CSTF3: variants seen among roughly 807,000 people sequenced by gnomAD.
CSTF3 encodes CF-1 77 kDa subunit.
Under a neutral mutation model 105.8 loss-of-function variants are expected in CSTF3, and 29 were observed. The ratio of observed to expected loss-of-function variants is 0.27; its 90% CI spans 0.20 to 0.37. The LOEUF is 0.37. Among genes scored for constraint, CSTF3 ranks in the 10% least tolerant of loss-of-function variants. The pLI is 1.00. For missense variants in CSTF3, 357 were observed against 879.3 expected (o/e 0.41, Z 7.51); for synonymous variants, 252 against 281.9 (o/e 0.89, Z 1.06).
chr11:33,154,362 C>T (rs923495719), intron 1 of CSTF3, among the ~76,000 whole-genome samples: 1 of 152,066 alleles, frequency 6.6e-6, no homozygotes. Flanking sequence ...ACCTGTCATT[C>T]CAAGTGAATT....
At position 33,141,885 on chromosome 11, in the gene CSTF3, C is replaced by A; in HGVS notation, c.129G>T (p.Gln43His). The change falls in exon 2 of 21, where the codon CAG becomes CAT. Residue 43 changes from glutamine (Q) to histidine (H), a missense_variant and splice_region_variant. Gln to His is a conservative substitution (Grantham distance 24). This residue lies in a region of CSTF3 where 78 missense variants were observed against 180.4 expected (regional missense o/e 0.43). Transcript: ENST00000323959. Reference sequence around the variant, plus strand: ...GAAATGTAATCCTATATCACTAAACCTGTGCCTCTCGAATGAGAATGCTCC... The same window carrying A: ...GAAATGTAATCCTATATCACTAAACATGTGCCTCTCGAATGAGAATGCTCC... The part of the protein sequence containing the change: ...DAWSILIREA[Q>H]NQPIDKARKT... The A allele has an allele frequency of 6.3e-7, 1 of 1,596,826 alleles. No individual in the cohort carries two copies. The highest frequency in any genetic ancestry group is 8.5e-7 in the Non-Finnish European group (1 of 1,173,854).
At chr11:33,135,724 TC>T (rs1486315061) in intron 3 of CSTF3, among the ~76,000 whole-genome samples, 1 of 152,168 alleles carries the variant, frequency 6.6e-6, no homozygotes, top group Non-Finnish European at 1.5e-5. Context: ...TGAAAAAATT[TC>T]CAGGGAAACC....
At chr11:33,085,840 C>A in intron 19 of CSTF3, 55 bp downstream of exon 19, 1 of 1,578,768 alleles carries the variant, frequency 6.3e-7, no homozygotes, top group Non-Finnish European at 8.7e-7. Context: ...TAACTTTATA[C>A]ACAATTACTA....
rs577408789 is a variant in CSTF3, at chr11:33,135,735, C to T, written c.225+5932G>A. On this transcript the variant is annotated intron_variant, in intron 3 of 20. Transcript: ENST00000323959. ...TGAATGAAAAAATTTCCAGGGAAAC[C>T]ATCATCACAAAATAGCCAACCTTCT... Among the ~76,000 whole-genome samples, 4 of 152,174 alleles carry T rather than the reference C, an allele frequency of 2.6e-5. No homozygotes were observed. In the South Asian group the frequency reaches 8.3e-4, roughly 32 times the overall value.
chr11:33,140,152 T>C (rs2133798026), intron 3 of CSTF3, among the ~76,000 whole-genome samples: 1 of 152,172 alleles, frequency 6.6e-6, no homozygotes, highest in African/African-American at 2.4e-5. Context: ...GTCTAATGTG[T>C]TTCTAAAGCC....
intron 3 of CSTF3, 130 bp from the exon 4 acceptor site, chr11:33,108,548 A>G: frequency 1.6e-6 from 1 of 608,552 alleles, no homozygotes; most frequent in Non-Finnish European, 2.4e-6. Context: ...TGTTACTTTC[A>G]AAAATAACAG....
chr11:33,130,893 G>C (rs898039093), intron 3 of CSTF3, among the ~76,000 whole-genome samples: 5 of 152,098 alleles, frequency 3.3e-5, no homozygotes, highest in African/African-American at 1.2e-4. Flanking sequence ...GCCGGGTGTG[G>C]TGGTATGCAC....
At chr11:33,093,761 G>A (rs1308703009) in intron 15 of CSTF3, among the ~76,000 whole-genome samples, 3 of 152,122 alleles carry the variant, frequency 2.0e-5, no homozygotes, top group African/African-American at 7.2e-5. Context: ...AGGCTGGAGT[G>A]CAGTGGCGCA....
chr11:33,108,056 T>A lies in CSTF3; in HGVS notation c.259-56A>T, dbSNP rs1160219238. The A allele has an allele frequency of 2.7e-5, 30 of 1,101,720 alleles. No individual in the cohort carries two copies. In the East Asian group the frequency reaches 7.8e-4, roughly 29 times the overall value. The allele number at this position is 1,101,720 out of a possible 1,614,324, so 68.2% of individuals were successfully genotyped here. A position where few individuals can be genotyped will look rare whatever the true frequency, so the allele number is the denominator to read the frequency against. ...CAGTTAAATAAATTTCACATGGACATAGATGAAATGGAACATTAAAAACAC... is the reference window on the plus strand; with the variant it reads ...CAGTTAAATAAATTTCACATGGACAAAGATGAAATGGAACATTAAAAACAC... On this transcript the variant is annotated intron_variant, in intron 4 of 20. Coordinates refer to ENST00000323959, the MANE Select transcript of CSTF3 (RefSeq NM_001326.3).
Position 33,161,440 on chromosome 11 carries a change from A to G in CSTF3, c.-115T>C. 1 of 1,049,110 alleles carries G rather than the reference A, an allele frequency of 9.5e-7. No individual in the cohort carries two copies. The highest frequency in any genetic ancestry group is 1.4e-6 in the Non-Finnish European group (1 of 696,826). 65.0% of individuals were successfully genotyped at this position (1,049,110 alleles called of 1,614,324 possible). A position where few individuals can be genotyped will look rare whatever the true frequency, so the allele number is the denominator to read the frequency against. ...GTTACCCCCTGCCCAGCTGAGCCAG[A>G]CCGCCAACACCAATCGCCACCGCCC... On this transcript the variant is annotated 5_prime_UTR_variant, in exon 1 of 21. Coordinates refer to ENST00000323959, the MANE Select transcript of CSTF3 (RefSeq NM_001326.3).
chr11:33,098,402 C>T (rs948443216), intron 13 of CSTF3, among the ~76,000 whole-genome samples: 6 of 152,122 alleles, frequency 3.9e-5, no homozygotes, highest in African/African-American at 1.4e-4. Flanking sequence ...CTATTTTATA[C>T]TGCTGCATTA....
intron 7 of CSTF3, 93 bp from the exon 8 acceptor site, chr11:33,105,786 C>T: frequency 1.3e-6 from 2 of 1,516,718 alleles, no homozygotes; most frequent in South Asian, 2.4e-5. Flanking sequence ...CAAAGAACAA[C>T]TCTATGGAAA....
intron 3 of CSTF3, among the ~76,000 whole-genome samples, chr11:33,122,914 C>CAAAAAAAAAAAAAAAAAAAAAA (rs10600978): frequency 3.0e-4 from 25 of 83,784 alleles, no homozygotes; most frequent in South Asian, 7.9e-4. Context: ...TATCCTGTCT[C>CAAAAAAAAAAAAAAAAAAAAAA]AAAAAAAAAA....
At position 33,106,455 on chromosome 11, in the gene CSTF3, G is replaced by A. The variant is rs577221994; in HGVS notation, c.357-391C>T. Among the ~76,000 whole-genome samples the A allele has an allele frequency of 1.3e-3, 197 of 151,976 alleles. 1 individual carries two copies. The highest frequency in any genetic ancestry group is 0.012 in the South Asian group (59 of 4,806). The stretch of plus-strand genomic sequence containing the variant: ...AATAAATTATTATTTGAAGATAGAC[G>A]TGGTGGTTCATTCCTGGAATCCCAA... On this transcript the variant is annotated intron_variant, in intron 5 of 20. Coordinates refer to ENST00000323959, the MANE Select transcript of CSTF3 (RefSeq NM_001326.3).
At chr11:33,146,946 G>A (rs376949149) in intron 1 of CSTF3, among the ~76,000 whole-genome samples, 1 of 151,676 alleles carries the variant, frequency 6.6e-6, no homozygotes, top group East Asian at 1.9e-4. Flanking sequence ...CATGAGGACC[G>A]CTTGAGGCCA....
intron 3 of CSTF3, among the ~76,000 whole-genome samples, chr11:33,126,040 T>C (rs184374856): frequency 4.1e-3 from 623 of 152,258 alleles, no homozygotes; most frequent in Non-Finnish European, 7.0e-3. Context: ...TTTATTAATA[T>C]CAAGCTTTCA....
chr11:33,095,664 AC>A lies in CSTF3; in HGVS notation c.1375+641del, dbSNP rs1257177366. ...GTGAAACCCTGTCTCTACTAAAAAT[AC>A]AAAAAATTAGCCGGGCGAGGTGGCG... On this transcript the variant is annotated intron_variant, in intron 15 of 20. Coordinates refer to ENST00000323959, the MANE Select transcript of CSTF3 (RefSeq NM_001326.3). Among the ~76,000 whole-genome samples, 5 of 151,560 alleles carry A rather than the reference AC, an allele frequency of 3.3e-5. No individual in the cohort carries two copies. In the East Asian group the frequency reaches 9.8e-4, roughly 30 times the overall value.
intron 3 of CSTF3, among the ~76,000 whole-genome samples, chr11:33,137,642 A>T (rs999845044): frequency 1.8e-4 from 27 of 151,862 alleles, no homozygotes; most frequent in Non-Finnish European, 3.0e-4. Context: ...ACATTTATAT[A>T]TGCATCTAAG....
Position 33,106,024 on chromosome 11 carries a change from T to C in CSTF3, c.397A>G (p.Ile133Val). The change falls in exon 6 of 21, where the codon ATT becomes GTT. Residue 133 changes from isoleucine (I) to valine (V), a missense_variant. Ile to Val is a conservative substitution (Grantham distance 29). Around this residue, in one of 4 missense-constraint regions of CSTF3, gnomAD observed 78 missense variants for 180.4 expected, o/e 0.43. Coordinates refer to ENST00000323959, the MANE Select transcript of CSTF3 (RefSeq NM_001326.3). ...TGATAGGACATAATTTCCATTCCAA[T>C]TTTATCCAGTGCAAAGTCATATGCT... is the stretch of plus-strand genomic sequence containing the variant. Reference protein sequence around the residue: ...AQAYDFALDKIGMEIMSYQIW... With the variant: ...AQAYDFALDKVGMEIMSYQIW... 6.2e-7 allele frequency: 1 copy of C among 1,613,010 alleles called. No individual in the cohort carries two copies. Among genetic ancestry groups the C allele is most frequent in the Non-Finnish European group, 8.5e-7 (1 of 1,179,194 alleles).
Sources: allele counts gnomAD v4.1 joint callset (sites outside exome capture counted in the v4.1 genomes callset), GRCh38; gene constraint gnomAD v4.1.1; regional missense constraint gnomAD v4.1.1; transcripts MANE v1.5; gene names NCBI Gene and HGNC (gene_info 2026-07-23, HGNC 2026-07-21).